The following RFX8 variants were observed in gnomAD, a reference collection of about 807,000 sequenced individuals.
RFX8 encodes the protein DNA-binding protein RFX8.
Under a neutral mutation model 54.6 loss-of-function variants are expected in RFX8, and 46 were observed. The observed-to-expected ratio is 0.84, with a 90% confidence interval of 0.67 to 1.08. The LOEUF is 1.08. RFX8 is among the 50% of genes least tolerant of loss of function. The pLI, the probability that RFX8 is intolerant of heterozygous loss-of-function variation, is 0.00. For missense variants in RFX8, 536 were observed against 562.3 expected, an observed-to-expected ratio of 0.95 and a Z score of 0.47; for synonymous variants, 192 against 209.5, an observed-to-expected ratio of 0.92 and a Z score of 0.72.
intron 2 of RFX8, among the ~76,000 whole-genome samples, chr2:101,444,985 G>A (rs777219526): frequency 2.6e-5 from 4 of 152,190 alleles, no homozygotes; most frequent in Admixed American, 6.5e-5. Context: ...CTTACTAGTG[G>A]TAGAGCCAGG....
At chr2:101,459,601 G>A (rs1689160292) in intron 2 of RFX8, among the ~76,000 whole-genome samples, 2 of 152,092 alleles carry the variant, frequency 1.3e-5, no homozygotes, top group East Asian at 3.9e-4. Flanking sequence ...TCCTTCCTCT[G>A]GAAGCTTTGT....
chr2:101,473,627 A>G (rs765500064), intron 1 of RFX8, among the ~76,000 whole-genome samples: 1 of 152,198 alleles, frequency 6.6e-6, no homozygotes, highest in Non-Finnish European at 1.5e-5. Flanking sequence ...TGTAAAACTA[A>G]AGGTCCTAGA....
In RFX8 at chr2:101,421,692, A is replaced by C. The variant is rs756520100; in HGVS notation, c.237+32T>G. 2.4e-4 allele frequency: 371 copies of C among 1,541,672 alleles called. 2 individuals are homozygous for C. Among genetic ancestry groups the C allele is most frequent in the Non-Finnish European group, 2.8e-4 (320 of 1,143,396 alleles). ...ATAAATGCTTGTATTTTATAGATAAAACCCTACCCTCTCAAGTTCTCAGTT... is the reference window on the plus strand; with the variant it reads ...ATAAATGCTTGTATTTTATAGATAACACCCTACCCTCTCAAGTTCTCAGTT... On this transcript the variant is annotated intron_variant, in intron 4 of 11. Coordinates refer to ENST00000428343, the MANE Select transcript of RFX8 (RefSeq NM_001145664.2).
chr2:101,470,320 T>C (rs79345897), intron 1 of RFX8, among the ~76,000 whole-genome samples: 2,808 of 152,314 alleles, frequency 0.018, 47 homozygotes, highest in Non-Finnish European at 0.029. Flanking sequence ...AGAAAGATGC[T>C]GATGTTGGCA....
chr2:101,456,677 T>G (rs1688982665), intron 2 of RFX8, among the ~76,000 whole-genome samples: 1 of 152,230 alleles, frequency 6.6e-6, no homozygotes, highest in Non-Finnish European at 1.5e-5. Context: ...AATTCTCTTT[T>G]TTTTTGTTAT....
chr2:101,421,791 G>C lies in RFX8; in HGVS notation c.184-14C>G. Reference sequence around the variant, plus strand: ...AAGGAAGGCCATCTAGGAAGAATATGGAAAATTATTTCAGCATGTGGGCCT... The same window carrying C: ...AAGGAAGGCCATCTAGGAAGAATATCGAAAATTATTTCAGCATGTGGGCCT... On this transcript the variant is annotated splice_polypyrimidine_tract_variant and intron_variant, in intron 3 of 11. Transcript: ENST00000428343. The C allele has an allele frequency of 6.5e-7, 1 of 1,541,320 alleles. No individual in the cohort carries two copies. The highest frequency in any genetic ancestry group is 2.5e-5 in the East Asian group (1 of 40,710).
At chr2:101,458,443 G>T (rs1457601233) in intron 2 of RFX8, among the ~76,000 whole-genome samples, 2 of 152,144 alleles carry the variant, frequency 1.3e-5, no homozygotes, top group African/African-American at 4.8e-5. Context: ...TGTCTGTAAA[G>T]GATTTTATTT....
intron 8 of RFX8, among the ~76,000 whole-genome samples, 151 bp from the exon 9 acceptor site, chr2:101,410,864 A>G (rs1231676416): frequency 6.6e-6 from 1 of 152,204 alleles, no homozygotes; most frequent in South Asian, 2.1e-4. Context: ...AACACAGAGG[A>G]TGTCCTGAGG....
chr2:101,441,147 T>C (rs1043332770), intron 2 of RFX8, among the ~76,000 whole-genome samples: 1 of 152,112 alleles, frequency 6.6e-6, no homozygotes, highest in African/African-American at 2.4e-5. Flanking sequence ...TGTTTTTGTA[T>C]TTTTAGTACA....
chr2:101,421,854 GCT>G (rs1411116870), intron 3 of RFX8, 77 bp from the exon 4 acceptor site: 2 of 1,008,712 alleles, frequency 2.0e-6, no homozygotes, highest in Admixed American at 2.6e-5. Context: ...CTTTTCTGAA[GCT>G]CTCAGAGGCC....
intron 2 of RFX8, among the ~76,000 whole-genome samples, chr2:101,439,946 C>G (rs1051506410): frequency 6.6e-6 from 1 of 152,138 alleles, no homozygotes; most frequent in Non-Finnish European, 1.5e-5. Context: ...CCAGTACCAC[C>G]CCATCCTGAT....
chr2:101,410,391 T>TCACACACACA (rs5832965), intron 9 of RFX8, among the ~76,000 whole-genome samples: 2 of 119,508 alleles, frequency 1.7e-5, no homozygotes, highest in South Asian at 2.7e-4. Context: ...ATGCCCACAC[T>TCACACACACA]CACACACACA....
rs1226145458 is a variant in RFX8 at position 101,412,966 on chromosome 2, C to A, written c.667G>T (p.Ala223Ser). The part of the protein sequence containing the change: ...GTLATSKKAL[A>S]SDRSGADELE... ...TCATCTGCGCCACTCCGGTCACTTGCCAGGGCTTTCTTAGAAGTAGCCAAA... is the reference window on the plus strand; with the variant it reads ...TCATCTGCGCCACTCCGGTCACTTGACAGGGCTTTCTTAGAAGTAGCCAAA... Residue 223 changes from alanine (A) to serine (S), a missense_variant, in exon 8 of 12, where the codon GCA becomes TCA. By Grantham distance (99) the Ala-to-Ser change is moderately conservative. Coordinates refer to ENST00000428343, the MANE Select transcript of RFX8 (RefSeq NM_001145664.2). 6.4e-7 allele frequency: 1 copy of A among 1,551,694 alleles called. No homozygotes were observed. Among genetic ancestry groups the A allele is most frequent in the Non-Finnish European group, 8.7e-7 (1 of 1,147,016 alleles).
intron 9 of RFX8, among the ~76,000 whole-genome samples, chr2:101,410,024 A>C (rs191144622): frequency 1.3e-5 from 2 of 152,238 alleles, no homozygotes; most frequent in East Asian, 3.9e-4. Context: ...GGGCTTTTGA[A>C]ATCAAGCCAG....
intron 8 of RFX8, among the ~76,000 whole-genome samples, chr2:101,411,367 G>A (rs1686114166): frequency 6.6e-6 from 1 of 152,216 alleles, no homozygotes; most frequent in Non-Finnish European, 1.5e-5. Context: ...TTTGCCTGCA[G>A]GTATCAGCAG....
intron 8 of RFX8, among the ~76,000 whole-genome samples, chr2:101,411,285 G>A (rs915113906): frequency 3.3e-5 from 5 of 152,230 alleles, no homozygotes; most frequent in Non-Finnish European, 7.3e-5. Flanking sequence ...AGCAGAGTTT[G>A]GAAAACTGAG....
chr2:101,444,905 G>A (rs1283664525), intron 2 of RFX8, among the ~76,000 whole-genome samples: 4 of 152,126 alleles, frequency 2.6e-5, no homozygotes, highest in African/African-American at 9.7e-5. Context: ...AGTAGATACT[G>A]TTATCCTTAA....
intron 7 of RFX8, among the ~76,000 whole-genome samples, chr2:101,413,623 C>A (rs926594127): frequency 6.6e-6 from 1 of 152,176 alleles, no homozygotes; most frequent in Non-Finnish European, 1.5e-5. Context: ...TTACCCCTCC[C>A]TTTTACAGAG....
chr2:101,421,084 A>G (rs1686834091), intron 4 of RFX8, among the ~76,000 whole-genome samples: 1 of 152,170 alleles, frequency 6.6e-6, no homozygotes, highest in African/African-American at 2.4e-5. Flanking sequence ...CCCTCACTAC[A>G]ATGCTTTACG....
Sources: gnomAD v4.1 joint callset for allele counts (sites outside exome capture counted in the v4.1 genomes callset) on GRCh38, gnomAD v4.1.1 for gene constraint, MANE v1.5 for transcripts, NCBI Gene and HGNC (gene_info 2026-07-23, HGNC 2026-07-21) for gene names.